ATP11A: variants seen among roughly 807,000 people sequenced by gnomAD.
ATP11A encodes the protein phospholipid-transporting ATPase IH.
In ATP11A, 81 loss-of-function variants were observed where a neutral mutation model predicts 154.4. The ratio of observed to expected loss-of-function variants is 0.52; its 90% CI spans 0.44 to 0.63. The LOEUF is 0.63. Ranked by LOEUF, ATP11A falls within the 30% of genes least tolerant of loss-of-function variation. ATP11A has a pLI of 0.00. For missense variants in ATP11A, 1,316 were observed against 1,474.3 expected, an observed-to-expected ratio of 0.89 and a Z score of 1.76; for synonymous variants, 623 against 585.9, an observed-to-expected ratio of 1.06 and a Z score of -0.91.
chr13:112,858,010 G>C, intron 21 of ATP11A, 90 bp downstream of exon 21: 1 of 1,564,424 alleles, frequency 6.4e-7, no homozygotes, highest in South Asian at 1.1e-5. Context: ...GGTGCATTCA[G>C]GACACCCCCG....
intron 12 of ATP11A, among the ~76,000 whole-genome samples, chr13:112,828,118 G>GAAAGGCCCAGCAGTGTTGAGTGCGGGGGA (rs143513857): frequency 3.3e-5 from 4 of 122,386 alleles, no homozygotes; most frequent in Admixed American, 8.3e-5. Context: ...TGAGTGGGGG[G>GAAAGGCCCAGCAGTGTTGAGTGCGGGGGA]AAGCGCCCAG....
At chr13:112,796,630 A>C (rs937269190) in intron 2 of ATP11A, among the ~76,000 whole-genome samples, 17 of 152,204 alleles carry the variant, frequency 1.1e-4, no homozygotes, top group African/African-American at 3.9e-4. Flanking sequence ...TGACCTCCAG[A>C]ACAGTAAGGT....
At position 112,852,616 on chromosome 13, in the gene ATP11A, G is replaced by A. The variant is rs545517169; in HGVS notation, c.1991+1398G>A. Among the ~76,000 whole-genome samples the A allele has an allele frequency of 4.6e-5, 7 of 152,272 alleles. No homozygotes were observed. In the East Asian group the frequency reaches 5.8e-4, roughly 13 times the overall value. The stretch of plus-strand genomic sequence containing the variant: ...TCTGTCCAGGAGAAGAGGGGTGTCC[G>A]TAGGATGGTGTTTGCCTGGGGAGCA... On this transcript the variant is annotated intron_variant, in intron 18 of 29. Transcript: ENST00000375645.
chr13:112,793,364 G>A (rs150840117), intron 2 of ATP11A, among the ~76,000 whole-genome samples: 1,707 of 152,286 alleles, frequency 0.011, 37 homozygotes, highest in African/African-American at 0.039. Flanking sequence ...ACCACACCTA[G>A]TTAATTTTTA....
intron 2 of ATP11A, among the ~76,000 whole-genome samples, chr13:112,789,122 C>A (rs1220774019): frequency 6.6e-6 from 1 of 151,260 alleles, no homozygotes; most frequent in African/African-American, 2.4e-5. Context: ...GATGTATAGA[C>A]CCTTGTGGTA....
In ATP11A at chr13:112,761,173, G is replaced by A. The variant is rs1268103616; in HGVS notation, c.40-23962G>A. 3.3e-5 allele frequency among the ~76,000 whole-genome samples: 5 copies of A among 152,104 alleles called. No homozygotes were observed. In the South Asian group the frequency reaches 6.2e-4, roughly 19 times the overall value. ...CCGTGGTCCAGGGGTCGCAGTGCTCGTGTTCAAGGAACCCTCATTTGACTT... is the reference window on the plus strand; with the variant it reads ...CCGTGGTCCAGGGGTCGCAGTGCTCATGTTCAAGGAACCCTCATTTGACTT... On this transcript the variant is annotated intron_variant, in intron 1 of 29. Coordinates refer to ENST00000375645, the MANE Select transcript of ATP11A (RefSeq NM_015205.3).
At chr13:112,752,347 C>T (rs909167744) in intron 1 of ATP11A, among the ~76,000 whole-genome samples, 4 of 152,174 alleles carry the variant, frequency 2.6e-5, no homozygotes, top group African/African-American at 7.2e-5. Context: ...CCTGCGAGGA[C>T]CTGTTTGAGC....
At chr13:112,805,158 C>T (rs1313633316) in intron 3 of ATP11A, 112 bp downstream of exon 3, 11 of 704,774 alleles carry the variant, frequency 1.6e-5, no homozygotes, top group Non-Finnish European at 2.5e-5. Flanking sequence ...TGGTGCCCCT[C>T]ACCTATGATT....
rs112374903 is a variant in ATP11A, at chr13:112,753,254, C to T, written c.40-31881C>T. Among the ~76,000 whole-genome samples the T allele has an allele frequency of 0.014, 2,115 of 152,364 alleles. 44 individuals are homozygous for T. The highest frequency in any genetic ancestry group is 0.04 in the African/African-American group (1,647 of 41,580). ...TCCCCCGCCCCTGGCCGCCCCACATCATGGACAGCTGGGCTCCAATCTTCT... is the reference window on the plus strand; with the variant it reads ...TCCCCCGCCCCTGGCCGCCCCACATTATGGACAGCTGGGCTCCAATCTTCT... On this transcript the variant is annotated intron_variant, in intron 1 of 29. Coordinates refer to ENST00000375645, the MANE Select transcript of ATP11A (RefSeq NM_015205.3). The surrounding 1 kb of genome is among the most constrained non-coding windows in gnomAD (Gnocchi z 4.1).
chr13:112,699,306 C>T (rs1886239394), intron 1 of ATP11A, among the ~76,000 whole-genome samples: 2 of 152,180 alleles, frequency 1.3e-5, no homozygotes, highest in African/African-American at 4.8e-5. Flanking sequence ...CCCTCTACCC[C>T]GTTTGGCAAA....
At chr13:112,850,285 G>C (rs1020041339) in intron 17 of ATP11A, among the ~76,000 whole-genome samples, 17 of 152,198 alleles carry the variant, frequency 1.1e-4, no homozygotes, top group African/African-American at 4.1e-4. Flanking sequence ...TGAAGGAGCA[G>C]GGAAAACGGA....
In ATP11A at chr13:112,826,675, G is replaced by A. The variant is rs770930029; in HGVS notation, c.1024-19G>A. Reference sequence around the variant, plus strand: ...TCCCTCCTGGTGGAGGTGCTGACCCGCACCTTCTGCTCTTGCAGTTCCTCA... The same window carrying A: ...TCCCTCCTGGTGGAGGTGCTGACCCACACCTTCTGCTCTTGCAGTTCCTCA... On this transcript the variant is annotated intron_variant, in intron 11 of 29. Transcript: ENST00000375645. 4.3e-6 allele frequency: 7 copies of A among 1,612,398 alleles called. No homozygotes were observed. The South Asian group carries it at 4.4e-5, about 10-fold the overall frequency.
chr13:112,788,576 T>C lies in ATP11A; in HGVS notation c.162+3319T>C, dbSNP rs533010282. Among the ~76,000 whole-genome samples, 471 of 140,446 alleles carry C rather than the reference T, an allele frequency of 3.4e-3. 3 individuals are homozygous for C. The highest frequency in any genetic ancestry group is 0.012 in the African/African-American group (448 of 37,306). The allele number at this position is 140,446 out of a possible 152,430, so 92.1% of individuals were successfully genotyped here. On this transcript the variant is annotated intron_variant, in intron 2 of 29. Coordinates refer to ENST00000375645, the MANE Select transcript of ATP11A (RefSeq NM_015205.3). The stretch of plus-strand genomic sequence containing the variant: ...TGTGGAGACCTACTTAATTCACACC[T>C]GTGTCCTGATGTGTAGACCCCTGCG...
At chr13:112,773,657 TG>T (rs1415974025) in intron 1 of ATP11A, among the ~76,000 whole-genome samples, 14 of 152,320 alleles carry the variant, frequency 9.2e-5, no homozygotes, top group Admixed American at 2.6e-4. Context: ...TGTGCTCTTT[TG>T]GGTAACTGGT....
rs1210877036 is a variant in ATP11A, at chr13:112,819,361, C to G, written c.628C>G (p.Leu210Val). Reference sequence around the variant, plus strand: ...CCACACAGAGGAGGATATCGGCGGACTTCACGCCACCATCGAGTGTGAGCA... The same window carrying G: ...CCACACAGAGGAGGATATCGGCGGAGTTCACGCCACCATCGAGTGTGAGCA... Reference protein sequence around the residue: ...GFHTEEDIGGLHATIECEQPQ... With the variant: ...GFHTEEDIGGVHATIECEQPQ... The change falls in exon 7 of 30, where the codon CTT becomes GTT. Residue 210 changes from leucine (L) to valine (V), a missense_variant. Around this residue, in one of 5 missense-constraint regions of ATP11A, gnomAD observed 876 missense variants for 1,006.8 expected, o/e 0.87. Transcript: ENST00000375645. The G allele has an allele frequency of 6.2e-7, 1 of 1,614,226 alleles. No homozygotes were observed.
intron 29 of ATP11A, chr13:112,880,498 G>GT: frequency 7.8e-7 from 1 of 1,275,604 alleles, no homozygotes. Flanking sequence ...AGCACTCCTG[G>GT]TGGCCCCGTG....
In ATP11A at chr13:112,867,548, C is replaced by T. The variant is rs145692224; in HGVS notation, c.2992-4187C>T. Among the ~76,000 whole-genome samples, 1,102 of 152,300 alleles carry T rather than the reference C, an allele frequency of 7.2e-3. 17 individuals carry two copies. Among genetic ancestry groups the T allele is most frequent in the African/African-American group, 0.025 (1,030 of 41,566 alleles). The stretch of plus-strand genomic sequence containing the variant: ...AGCCTTCCTGGCAGGGTCTCTGCAG[C>T]GTCTCCGCCTTCTCGGATCCCTGGA... On this transcript the variant is annotated intron_variant, in intron 25 of 29. Transcript: ENST00000375645.
chr13:112,851,479 A>G (rs2079765332), intron 18 of ATP11A: 4 of 381,862 alleles, frequency 1.0e-5, no homozygotes, highest in Middle Eastern at 7.1e-4. Context: ...GCTTTGTCAT[A>G]TCATATTATG....
intron 5 of ATP11A, chr13:112,811,963 A>G (rs1380018997): frequency 6.6e-6 from 1 of 152,206 alleles, no homozygotes; most frequent in Non-Finnish European, 1.5e-5. Context: ...TCCATGTGAT[A>G]TTTTGATGCC....
Sources: gnomAD v4.1 joint callset for allele counts (sites outside exome capture counted in the v4.1 genomes callset) on GRCh38, gnomAD v4.1.1 for gene constraint, gnomAD v4.1.1 regional missense constraint, Gnocchi (gnomAD v3.1) non-coding constraint, MANE v1.5 for transcripts, NCBI Gene and HGNC (gene_info 2026-07-23, HGNC 2026-07-21) for gene names.